The following CRYBG3 variants were observed in gnomAD, a reference collection of about 807,000 sequenced individuals.
CRYBG3 encodes very large A-kinase anchor protein.
Under a neutral mutation model 244.2 loss-of-function variants are expected in CRYBG3, and 127 were observed. The observed-to-expected ratio is 0.52, with a 90% CI of 0.45 to 0.60. The LOEUF (loss-of-function observed/expected upper bound fraction) is 0.60, where lower values mean the gene tolerates loss of function less well. Ranked by LOEUF, CRYBG3 falls within the 20% of genes least tolerant of loss-of-function variation. The probability of loss-of-function intolerance (pLI) is 0.00; values close to 1 mark genes in which losing one functional copy is unlikely to be tolerated. For missense variants in CRYBG3, 3,325 were observed against 3,442.5 expected (o/e 0.97, Z 0.85); for synonymous variants, 1,132 against 1,195.8 (o/e 0.95, Z 1.10).
chr3:97,877,681 CTG>C lies in CRYBG3; in HGVS notation c.6488_6489del (p.Leu2163GlnfsTer22). 1 of 1,614,068 alleles carries C rather than the reference CTG, an allele frequency of 6.2e-7. No homozygotes were observed. Among genetic ancestry groups the C allele is most frequent in the Non-Finnish European group, 8.5e-7 (1 of 1,180,004 alleles). ...EEAAVLHKGD[L>X]RAGSGERVTF... ...GGCAGCAGTATTGCATAAAGGAGAT[CTG>C]AGAGCTGGAAGTGGGGAGCGTGTTA... is the stretch of plus-strand genomic sequence containing the variant. On this transcript the variant is annotated frameshift_variant, in exon 4 of 22. Coordinates refer to ENST00000389622, the MANE Select transcript of CRYBG3 (RefSeq NM_153605.4). LOFTEE classifies it high-confidence loss of function.
rs1253815853 is a variant in CRYBG3 at position 97,876,539 on chromosome 3, T to C, written c.5345T>C (p.Leu1782Ser). 6.5e-6 allele frequency: 8 copies of C among 1,232,050 alleles called. No homozygotes were observed. Among genetic ancestry groups the C allele is most frequent in the Non-Finnish European group, 5.1e-6 (5 of 988,040 alleles). 76.3% of individuals were successfully genotyped at this position (1,232,050 alleles called of 1,614,324 possible). Reference sequence around the variant, plus strand: ...ACCGGGAACACTGAAGGGTCTGTGTTGAAAATGGAAGCTACTTACCGAAAG... The same window carrying C: ...ACCGGGAACACTGAAGGGTCTGTGTCGAAAATGGAAGCTACTTACCGAAAG... ...GFTGNTEGSV[L>S]KMEATYRKTA... The change falls in exon 4 of 22, where the codon TTG becomes TCG. Residue 1782 changes from leucine to serine, a missense_variant. Leu to Ser is a moderately radical substitution (Grantham distance 145). This residue lies in a region of CRYBG3 where 635 missense variants were observed against 771.7 expected (regional missense o/e 0.82). Transcript: ENST00000389622.
chr3:97,923,304 T>C (rs187730103), intron 17 of CRYBG3, among the ~76,000 whole-genome samples: 7 of 152,178 alleles, frequency 4.6e-5, no homozygotes, highest in Admixed American at 4.6e-4. Flanking sequence ...AACCTGCATG[T>C]TGTGCACATG....
chr3:97,902,787 T>C (rs1160782620), intron 15 of CRYBG3, among the ~76,000 whole-genome samples: 4 of 152,156 alleles, frequency 2.6e-5, no homozygotes, highest in Non-Finnish European at 4.4e-5. Context: ...ACTCAAGATA[T>C]ACAGGATCGC....
chr3:97,869,345 A>G (rs2039273870), intron 3 of CRYBG3, among the ~76,000 whole-genome samples: 1 of 152,190 alleles, frequency 6.6e-6, no homozygotes, highest in Non-Finnish European at 1.5e-5. Flanking sequence ...GGTATGAAGT[A>G]TCACTACATT....
Position 97,877,284 on chromosome 3 carries a change from C to T in CRYBG3, c.6090C>T (p.Ser2030=), listed in dbSNP as rs748363518. ...QTQSVLFHDT[S]ADSMPVLACE... ...AGTCTGTCTTGTTTCATGATACGTC[C>T]GCTGACAGCATGCCTGTTCTGGCAT... The change falls in exon 4 of 22, where the codon TCC becomes TCT. Residue 2030 remains serine (S), a synonymous_variant. Transcript: ENST00000389622. The T allele has an allele frequency of 2.9e-5, 46 of 1,613,918 alleles. No individual in the cohort carries two copies. The highest frequency in any genetic ancestry group is 4.0e-5 in the African/African-American group (3 of 74,900).
At chr3:97,933,055 G>A (rs570244682) in intron 17 of CRYBG3, 9 of 435,824 alleles carry the variant, frequency 2.1e-5, no homozygotes, top group Non-Finnish European at 3.6e-5. Flanking sequence ...AGGATAGATG[G>A]TGCCTTGTTT....
chr3:97,884,095 C>T (rs539647505), intron 7 of CRYBG3, among the ~76,000 whole-genome samples: 92 of 152,204 alleles, frequency 6.0e-4, no homozygotes, highest in South Asian at 1.0e-3. Flanking sequence ...CCTGGGGGGA[C>T]ATTAATATGG....
At chr3:97,928,975 T>G (rs1035861100) in intron 17 of CRYBG3, among the ~76,000 whole-genome samples, 5 of 152,100 alleles carry the variant, frequency 3.3e-5, no homozygotes, top group African/African-American at 9.6e-5. Flanking sequence ...CTACTGTTAT[T>G]ATCACTTAAA....
At chr3:97,840,772 A>C (rs946847222) in intron 1 of CRYBG3, 2 of 152,160 alleles carry the variant, frequency 1.3e-5, no homozygotes, top group African/African-American at 4.8e-5. Flanking sequence ...TAGATGTTGT[A>C]TGTTTAAGTA....
intron 15 of CRYBG3, among the ~76,000 whole-genome samples, chr3:97,903,226 T>G (rs116401656): frequency 0.022 from 3,362 of 152,284 alleles, 45 homozygotes; most frequent in Admixed American, 0.032. Flanking sequence ...CTGTAATAAT[T>G]GTTGCTACTG....
chr3:97,904,703 T>G (rs914583688), intron 15 of CRYBG3, among the ~76,000 whole-genome samples: 1 of 151,040 alleles, frequency 6.6e-6, no homozygotes, highest in Non-Finnish European at 1.5e-5. Flanking sequence ...TATTTTTATT[T>G]TTTTTTAAGT....
chr3:97,904,311 C>G (rs2108243294), intron 15 of CRYBG3, among the ~76,000 whole-genome samples: 1 of 152,270 alleles, frequency 6.6e-6, no homozygotes, highest in East Asian at 1.9e-4. Flanking sequence ...CATATCTCAT[C>G]TAGTCAACTC....
chr3:97,848,308 G>GT (rs1169640986), intron 2 of CRYBG3, among the ~76,000 whole-genome samples: 1 of 151,894 alleles, frequency 6.6e-6, no homozygotes, highest in Non-Finnish European at 1.5e-5. Flanking sequence ...GTTTGTTGTT[G>GT]TTTTTTTGAG....
At chr3:97,905,630 G>A (rs2039763719) in intron 15 of CRYBG3, among the ~76,000 whole-genome samples, 1 of 151,538 alleles carries the variant, frequency 6.6e-6, no homozygotes, top group African/African-American at 2.4e-5. Context: ...GTTCATTGTA[G>A]ATTCTGGATA....
At chr3:97,933,589 C>G in intron 17 of CRYBG3, 105 bp from the exon 18 acceptor site, 1 of 1,092,026 alleles carries the variant, frequency 9.2e-7, no homozygotes. Context: ...ACAGTAAACT[C>G]CATGCATTTA....
chr3:97,870,053 A>G (rs2039282965), intron 3 of CRYBG3, among the ~76,000 whole-genome samples: 2 of 152,176 alleles, frequency 1.3e-5, no homozygotes, highest in South Asian at 4.1e-4. Context: ...TTTCACAGTA[A>G]TGGTTTGGTT....
chr3:97,848,581 A>G (rs1399595230), intron 2 of CRYBG3, among the ~76,000 whole-genome samples: 1 of 152,078 alleles, frequency 6.6e-6, no homozygotes, highest in Non-Finnish European at 1.5e-5. Context: ...GATTGCAGGC[A>G]TGAGCCACTG....
At chr3:97,878,079 C>G (rs1440755406) in intron 4 of CRYBG3, 42 bp downstream of exon 4, 1 of 1,490,010 alleles carries the variant, frequency 6.7e-7, no homozygotes, top group South Asian at 1.3e-5. Context: ...GTTATTAAAG[C>G]TTTGGGTCAC....
chr3:97,904,819 T>C (rs1024135340), intron 15 of CRYBG3, among the ~76,000 whole-genome samples: 12 of 151,580 alleles, frequency 7.9e-5, no homozygotes, highest in Non-Finnish European at 1.0e-4. Flanking sequence ...ACATGTGCCA[T>C]GCTGGTGCAC....
Sources: gnomAD v4.1 joint callset for allele counts (sites outside exome capture counted in the v4.1 genomes callset) on GRCh38, gnomAD v4.1.1 for gene constraint, gnomAD v4.1.1 regional missense constraint, MANE v1.5 for transcripts, NCBI Gene and HGNC (gene_info 2026-07-23, HGNC 2026-07-21) for gene names.